SLCO1B3: variants seen among roughly 807,000 people sequenced by gnomAD.
The protein encoded by SLCO1B3 is liver-specific organic anion transporter 2.
A neutral mutation model predicts 71.8 loss-of-function variants in SLCO1B3; 72 were observed. The ratio of observed to expected loss-of-function variants is 1.00; its 90% confidence interval spans 0.83 to 1.22. The LOEUF (loss-of-function observed/expected upper bound fraction) is 1.22, where lower values mean the gene tolerates loss of function less well. Ranked by LOEUF, SLCO1B3 falls within the 50% of genes most tolerant of loss-of-function variation. SLCO1B3 has a pLI of 0.00. For synonymous variants in SLCO1B3, 298 were observed against 278.4 expected, an observed-to-expected ratio of 1.07 and a Z score of -0.70; for missense variants, 911 against 819.7, an observed-to-expected ratio of 1.11 and a Z score of -1.36.
chr12:20,875,569 C>G (rs1865565895), intron 9 of SLCO1B3, 92 bp downstream of exon 9: 1 of 1,282,172 alleles, frequency 7.8e-7, no homozygotes, highest in African/African-American at 1.5e-5. Flanking sequence ...CTCAAATCAT[C>G]TAGAGTCAGC....
chr12:20,827,465 G>A (rs1864446216), intron 3 of SLCO1B3, among the ~76,000 whole-genome samples: 1 of 152,120 alleles, frequency 6.6e-6, no homozygotes, highest in African/African-American at 2.4e-5. Context: ...AAACGTACAT[G>A]ACACATAAAT....
At chr12:20,885,220 G>C (rs1865770685) in intron 13 of SLCO1B3, among the ~76,000 whole-genome samples, 1 of 152,122 alleles carries the variant, frequency 6.6e-6, no homozygotes, top group South Asian at 2.1e-4. Context: ...TTCTGAAGCT[G>C]ACTGGAGAAT....
intron 3 of SLCO1B3, among the ~76,000 whole-genome samples, chr12:20,823,109 T>C (rs907965521): frequency 6.6e-6 from 1 of 152,118 alleles, no homozygotes; most frequent in East Asian, 1.9e-4. Context: ...AAACACACAG[T>C]AGAAGGAACA....
At chr12:20,856,374 A>G (rs1457947268) in intron 4 of SLCO1B3, among the ~76,000 whole-genome samples, 1 of 152,180 alleles carries the variant, frequency 6.6e-6, no homozygotes. Flanking sequence ...GATGCAAGTC[A>G]CATTCAAAAA....
intron 13 of SLCO1B3, among the ~76,000 whole-genome samples, chr12:20,888,526 G>A (rs559586232): frequency 8.4e-4 from 128 of 151,974 alleles, no homozygotes; most frequent in Non-Finnish European, 1.3e-3. Flanking sequence ...ACTTATTTTT[G>A]TACATTGGTT....
At chr12:20,815,871 T>G in intron 3 of SLCO1B3, 49 bp downstream of exon 3, 1 of 1,252,082 alleles carries the variant, frequency 8.0e-7, no homozygotes, top group Non-Finnish European at 1.1e-6. Flanking sequence ...ATGGAAAATT[T>G]TTATGTATAG....
intron 3 of SLCO1B3, among the ~76,000 whole-genome samples, chr12:20,833,781 T>G (rs1470379653): frequency 1.5e-5 from 2 of 132,972 alleles, no homozygotes; most frequent in Non-Finnish European, 3.3e-5. Flanking sequence ...TTATCATCTA[T>G]CTCTCTATTT....
intron 8 of SLCO1B3, among the ~76,000 whole-genome samples, chr12:20,867,967 T>C (rs1018773069): frequency 6.6e-6 from 1 of 152,148 alleles, no homozygotes; most frequent in African/African-American, 2.4e-5. Flanking sequence ...CCTCCTCCTC[T>C]ACCTGTTCAA....
intron 2 of SLCO1B3, among the ~76,000 whole-genome samples, chr12:20,815,028 T>A (rs529434411): frequency 6.7e-6 from 1 of 149,658 alleles, no homozygotes; most frequent in East Asian, 2.0e-4. Context: ...GTATTTTCTC[T>A]TGAAAAATAA....
Position 20,916,324 on chromosome 12 carries a change from A to G in SLCO1B3, c.*77A>G. 1 of 1,379,320 alleles carries G rather than the reference A, an allele frequency of 7.2e-7. No individual in the cohort carries two copies. Among genetic ancestry groups the G allele is most frequent in the Non-Finnish European group, 1.0e-6 (1 of 993,580 alleles). 85.4% of individuals were successfully genotyped at this position (1,379,320 alleles called of 1,614,324 possible). A position where few individuals can be genotyped will look rare whatever the true frequency, so the allele number is the denominator to read the frequency against. ...CTGACAATTCCAACATTCTTTACTTACAGTGGACCAATGGATAAGTCTATG... is the reference window on the plus strand; with the variant it reads ...CTGACAATTCCAACATTCTTTACTTGCAGTGGACCAATGGATAAGTCTATG... On this transcript the variant is annotated 3_prime_UTR_variant, in exon 16 of 16. Transcript: ENST00000381545.
At chr12:20,826,841 G>T (rs185129765) in intron 3 of SLCO1B3, among the ~76,000 whole-genome samples, 8 of 151,784 alleles carry the variant, frequency 5.3e-5, no homozygotes, top group African/African-American at 1.9e-4. Flanking sequence ...CTTTGTATTA[G>T]ACAAAAATTA....
Position 20,855,147 on chromosome 12 carries a change from A to G in SLCO1B3, c.204A>G (p.Leu68=), listed in dbSNP as rs747066655. 4 of 1,608,026 alleles carry G rather than the reference A, an allele frequency of 2.5e-6. No homozygotes were observed. The highest frequency in any genetic ancestry group is 3.4e-6 in the Non-Finnish European group (4 of 1,177,838). The change falls in exon 4 of 16, where the codon TTA becomes TTG. Residue 68 remains leucine (L), a synonymous_variant. Transcript: ENST00000381545. ...RFDISSSLAG[L]IDGSFEIGNL... is the part of the protein sequence containing the mutation. ...ACATATCCTCTTCTCTTGCTGGTTT[A>G]ATTGATGGAAGCTTTGAAATTGGTA...
At chr12:20,824,477 A>G (rs182011920) in intron 3 of SLCO1B3, among the ~76,000 whole-genome samples, 1 of 152,308 alleles carries the variant, frequency 6.6e-6, no homozygotes, top group Non-Finnish European at 1.5e-5. Context: ...CTATAAAAGG[A>G]TTAAAGTAAA....
In SLCO1B3 at chr12:20,815,662, C is replaced by CT. The variant is rs960526105; in HGVS notation, c.-65-6dup. 2 of 930,718 alleles carry CT rather than the reference C, an allele frequency of 2.1e-6. No homozygotes were observed. The highest frequency in any genetic ancestry group is 3.4e-6 in the Non-Finnish European group (2 of 595,952). 57.7% of individuals were successfully genotyped at this position (930,718 alleles called of 1,614,324 possible). On this transcript the variant is annotated splice_polypyrimidine_tract_variant and intron_variant, in intron 2 of 15. Coordinates refer to ENST00000381545, the MANE Select transcript of SLCO1B3 (RefSeq NM_019844.4). ...TAAAGTAAAATAAATTATACTTTTT[C>CT]TTTTTTAACAGGTGATCATTTCAAA...
At chr12:20,864,166 C>T (rs1230155366) in intron 8 of SLCO1B3, among the ~76,000 whole-genome samples, 1 of 152,126 alleles carries the variant, frequency 6.6e-6, no homozygotes, top group Non-Finnish European at 1.5e-5. Context: ...CTCAAAGTCT[C>T]TTTCAACATG....
At chr12:20,905,968 T>C (rs1866236706) in intron 15 of SLCO1B3, among the ~76,000 whole-genome samples, 2 of 152,132 alleles carry the variant, frequency 1.3e-5, no homozygotes, top group South Asian at 4.1e-4. Flanking sequence ...AGTCATGTCT[T>C]CTCATTACAA....
At chr12:20,876,288 C>T (rs1372581310) in intron 9 of SLCO1B3, among the ~76,000 whole-genome samples, 2 of 152,020 alleles carry the variant, frequency 1.3e-5, no homozygotes, top group Non-Finnish European at 2.9e-5. Flanking sequence ...AATGATCTGG[C>T]AGCTGTCAGA....
At chr12:20,899,909 A>G (rs549893769) in intron 14 of SLCO1B3, among the ~76,000 whole-genome samples, 5 of 152,324 alleles carry the variant, frequency 3.3e-5, no homozygotes, top group African/African-American at 1.2e-4. Context: ...TTGGTAGCAA[A>G]CTTCCAATTC....
At chr12:20,885,677 T>G (rs1591781174) in intron 13 of SLCO1B3, among the ~76,000 whole-genome samples, 1 of 151,708 alleles carries the variant, frequency 6.6e-6, no homozygotes, top group East Asian at 1.9e-4. Flanking sequence ...CTAGGCAAGG[T>G]AGAGCAAAGA....
Sources: allele counts gnomAD v4.1 joint callset (sites outside exome capture counted in the v4.1 genomes callset), GRCh38; gene constraint gnomAD v4.1.1; transcripts MANE v1.5; gene names NCBI Gene and HGNC (gene_info 2026-07-23, HGNC 2026-07-21).